Variants in SYT9 observed in about 807,000 individuals in gnomAD.
SYT9 encodes the protein synaptotagmin-9.
A neutral mutation model predicts 48.4 loss-of-function variants in SYT9; 22 were observed. The observed-to-expected ratio is 0.45, with a 90% CI of 0.32 to 0.65. The LOEUF is 0.65. Among genes scored for constraint, SYT9 ranks in the 30% least tolerant of loss-of-function variants. The pLI is 0.03. For missense variants in SYT9, 577 were observed against 622.0 expected, an observed-to-expected ratio of 0.93 and a Z score of 0.77; for synonymous variants, 265 against 245.0, an observed-to-expected ratio of 1.08 and a Z score of -0.76.
intron 3 of SYT9, among the ~76,000 whole-genome samples, chr11:7,319,192 C>CTTTTTTTTTTTTT (rs71056795): frequency 2.3e-5 from 2 of 86,186 alleles, no homozygotes; most frequent in East Asian, 4.4e-4. Flanking sequence ...TCTTCTTTTT[C>CTTTTTTTTTTTTT]TTTTTTTTTT....
chr11:7,343,099 C>T (rs1328357534), intron 3 of SYT9, among the ~76,000 whole-genome samples: 1 of 152,146 alleles, frequency 6.6e-6, no homozygotes, highest in African/African-American at 2.4e-5. Flanking sequence ...TTATCCTAGG[C>T]CTCTAGGCCT....
chr11:7,357,726 C>T (rs1850048754), intron 3 of SYT9, among the ~76,000 whole-genome samples: 1 of 152,084 alleles, frequency 6.6e-6, no homozygotes, highest in Non-Finnish European at 1.5e-5. Flanking sequence ...TCCTCTCCTC[C>T]CTCTTACATG....
intron 6 of SYT9, among the ~76,000 whole-genome samples, chr11:7,447,917 G>A (rs766148058): frequency 6.6e-6 from 1 of 152,200 alleles, no homozygotes; most frequent in Non-Finnish European, 1.5e-5. Context: ...AGCATGAAGT[G>A]TGCAAATTCC....
intron 3 of SYT9, among the ~76,000 whole-genome samples, chr11:7,333,241 G>C (rs1267089987): frequency 6.6e-6 from 1 of 152,112 alleles, no homozygotes; most frequent in Non-Finnish European, 1.5e-5. Flanking sequence ...TGTTTCTTAG[G>C]AAGCTGTTTT....
intron 3 of SYT9, among the ~76,000 whole-genome samples, chr11:7,394,430 A>C (rs1455326043): frequency 6.6e-6 from 1 of 152,172 alleles, no homozygotes; most frequent in Non-Finnish European, 1.5e-5. Context: ...ATACGTGTGC[A>C]TGTGTCTTTA....
intron 6 of SYT9, among the ~76,000 whole-genome samples, chr11:7,436,299 AAG>A (rs1213163620): frequency 6.6e-6 from 1 of 152,192 alleles, no homozygotes; most frequent in Non-Finnish European, 1.5e-5. Context: ...AAACTGAAGA[AAG>A]AGCAGGTTAG....
chr11:7,288,410 T>C (rs1848637163), intron 1 of SYT9, among the ~76,000 whole-genome samples: 1 of 152,222 alleles, frequency 6.6e-6, no homozygotes, highest in Admixed American at 6.5e-5. Flanking sequence ...TATTATTATC[T>C]AACCCAAATA....
At chr11:7,251,265 C>G (rs1418146138), upstream of SYT9, among the ~76,000 whole-genome samples, 10 of 151,382 alleles carry the variant, frequency 6.6e-5, no homozygotes, top group Non-Finnish European at 1.0e-4. Context: ...GCTGAAGACA[C>G]TTTGGCAATG....
upstream of SYT9, among the ~76,000 whole-genome samples, chr11:7,250,623 G>A (rs911468410): frequency 1.3e-5 from 2 of 152,088 alleles, no homozygotes; most frequent in Non-Finnish European, 2.9e-5. Context: ...CTCTCTGGAG[G>A]CATCTTTACC....
At chr11:7,381,223 A>G (rs1381948056) in intron 3 of SYT9, among the ~76,000 whole-genome samples, 4 of 152,184 alleles carry the variant, frequency 2.6e-5, no homozygotes, top group Non-Finnish European at 4.4e-5. Context: ...TGCCTACAAC[A>G]GCTCCCTAAT....
intron 1 of SYT9, among the ~76,000 whole-genome samples, chr11:7,280,163 C>T (rs1007380075): frequency 2.0e-5 from 3 of 152,218 alleles, no homozygotes; most frequent in East Asian, 1.9e-4. Flanking sequence ...AAATGCTGTG[C>T]GGTGCACAAT....
At chr11:7,443,366 T>C (rs1036778964) in intron 6 of SYT9, among the ~76,000 whole-genome samples, 2 of 152,220 alleles carry the variant, frequency 1.3e-5, no homozygotes, top group African/African-American at 4.8e-5. Context: ...CCTGGTACTG[T>C]ATTCTGTCTT....
At chr11:7,401,062 C>T (rs916294986) in intron 3 of SYT9, among the ~76,000 whole-genome samples, 10 of 151,796 alleles carry the variant, frequency 6.6e-5, no homozygotes, top group East Asian at 3.9e-4. Flanking sequence ...TTATCAGTAA[C>T]GTAAATTTAT....
Position 7,467,981 on chromosome 11 carries a change from A to T in SYT9, c.*1181A>T, listed in dbSNP as rs1848361630. On this transcript the variant is annotated 3_prime_UTR_variant, in exon 7 of 7. Coordinates refer to ENST00000318881, the MANE Select transcript of SYT9 (RefSeq NM_175733.4). ...CAACCAATGGCCAGCTATGCGCCTC[A>T]TCCTCATTGCTTCTGCCTCCACGTA... 1 of 306,812 alleles carries T rather than the reference A, an allele frequency of 3.3e-6. No individual in the cohort carries two copies. Among genetic ancestry groups the T allele is most frequent in the Admixed American group, 5.1e-5 (1 of 19,656 alleles). The allele number at this position is 306,812 out of a possible 1,614,324, so 19.0% of individuals were successfully genotyped here.
intron 1 of SYT9, among the ~76,000 whole-genome samples, chr11:7,265,654 A>ATCTATC (rs1301369400): frequency 7.0e-6 from 1 of 142,394 alleles, no homozygotes; most frequent in African/African-American, 2.6e-5. Flanking sequence ...TGTGTTTACT[A>ATCTATC]TCTATCATGG....
chr11:7,454,752 AC>A (rs1848116557), intron 6 of SYT9, among the ~76,000 whole-genome samples: 1 of 152,008 alleles, frequency 6.6e-6, no homozygotes, highest in Non-Finnish European at 1.5e-5. Context: ...TTTCCCCAGC[AC>A]CCCAACACAC....
intron 3 of SYT9, among the ~76,000 whole-genome samples, chr11:7,380,977 T>C (rs1232388575): frequency 2.0e-5 from 3 of 152,354 alleles, no homozygotes; most frequent in African/African-American, 7.2e-5. Context: ...AGTGTACTTA[T>C]TATGCCTAGT....
intron 3 of SYT9, among the ~76,000 whole-genome samples, chr11:7,387,718 C>T (rs2134055518): frequency 6.6e-6 from 1 of 152,212 alleles, no homozygotes; most frequent in East Asian, 1.9e-4. Context: ...TAAGAAAATT[C>T]CCTTTCCATA....
intron 3 of SYT9, among the ~76,000 whole-genome samples, chr11:7,375,707 GCT>G (rs1314736579): frequency 1.3e-5 from 2 of 151,910 alleles, no homozygotes; most frequent in Non-Finnish European, 2.9e-5. Context: ...TCATGATTTG[GCT>G]CTGTTTGTCT....
Sources: allele counts gnomAD v4.1 joint callset (sites outside exome capture counted in the v4.1 genomes callset), GRCh38; gene constraint gnomAD v4.1.1; transcripts MANE v1.5; gene names NCBI Gene and HGNC (gene_info 2026-07-23, HGNC 2026-07-21).